DPP10: variants seen among roughly 807,000 people sequenced by gnomAD.
The protein encoded by DPP10 is inactive dipeptidyl peptidase 10.
A neutral mutation model predicts 120.9 loss-of-function variants in DPP10; 33 were observed. The ratio of observed to expected loss-of-function variants is 0.27; its 90% CI spans 0.21 to 0.37. The LOEUF (loss-of-function observed/expected upper bound fraction) is 0.37. Ranked by LOEUF, DPP10 falls within the 10% of genes least tolerant of loss-of-function variation. The probability of loss-of-function intolerance (pLI) is 1.00; values close to 1 mark genes in which losing one functional copy is unlikely to be tolerated. For synonymous variants in DPP10, 337 were observed against 326.1 expected (o/e 1.03, Z -0.36); for missense variants, 816 against 942.8 (o/e 0.87, Z 1.76).
intron 1 of DPP10, among the ~76,000 whole-genome samples, chr2:114,679,088 A>C (rs1240868609): frequency 1.3e-5 from 2 of 151,950 alleles, no homozygotes; most frequent in African/African-American, 2.4e-5. Flanking sequence ...CTGGAATGTA[A>C]TTTTCAGACA....
At chr2:114,959,563 G>A (rs1452718460) in intron 1 of DPP10, among the ~76,000 whole-genome samples, 3 of 152,080 alleles carry the variant, frequency 2.0e-5, no homozygotes, top group Admixed American at 1.3e-4. Context: ...TTGAACATAG[G>A]ATTTCATTTC....
intron 1 of DPP10, among the ~76,000 whole-genome samples, chr2:115,265,017 A>G (rs1238670825): frequency 6.6e-6 from 1 of 152,136 alleles, no homozygotes; most frequent in Non-Finnish European, 1.5e-5. Flanking sequence ...GCTATGTGGT[A>G]TGACTTGCTG....
intron 3 of DPP10, among the ~76,000 whole-genome samples, chr2:115,490,061 A>G (rs2076019775): frequency 6.6e-6 from 1 of 152,152 alleles, no homozygotes; most frequent in South Asian, 2.1e-4. Flanking sequence ...TGACATGTAA[A>G]CCTTCCCCAC....
intron 24 of DPP10, among the ~76,000 whole-genome samples, chr2:115,837,202 T>C (rs796703865): frequency 1.4e-4 from 22 of 152,286 alleles, no homozygotes; most frequent in African/African-American, 5.3e-4. Flanking sequence ...TCTAATGAGG[T>C]TACCCGCTTA....
At chr2:115,804,769 G>T (rs1327503629) in intron 19 of DPP10, among the ~76,000 whole-genome samples, 1 of 152,186 alleles carries the variant, frequency 6.6e-6, no homozygotes, top group Non-Finnish European at 1.5e-5. Flanking sequence ...CGCAAATGCT[G>T]CTGCCTGATT....
Position 114,740,592 on chromosome 2 carries a change from A to G in DPP10, c.60+297754A>G, listed in dbSNP as rs114980372. 4.0e-3 allele frequency among the ~76,000 whole-genome samples: 612 copies of G among 152,230 alleles called. 3 individuals are homozygous for G. The highest frequency in any genetic ancestry group is 0.014 in the African/African-American group (592 of 41,544). ...GAGATATCTTGTTTCTATCCTTCGT[A>G]TGATCAGGTTGTTCAATAATTCCTC... is the stretch of plus-strand genomic sequence containing the variant. On this transcript the variant is annotated intron_variant, in intron 1 of 25. Coordinates refer to ENST00000410059, the MANE Select transcript of DPP10 (RefSeq NM_020868.6).
chr2:114,641,488 G>A, intron 1 of DPP10, among the ~76,000 whole-genome samples: 1 of 151,906 alleles, frequency 6.6e-6, no homozygotes, highest in Non-Finnish European at 1.5e-5. Flanking sequence ...AATGACCTCT[G>A]GATGCTGCCA....
At chr2:115,184,491 G>T (rs1273676651) in intron 1 of DPP10, among the ~76,000 whole-genome samples, 1 of 152,206 alleles carries the variant, frequency 6.6e-6, no homozygotes, top group East Asian at 1.9e-4. Flanking sequence ...AGCCAGGGAT[G>T]CAACAAGAGT....
chr2:115,431,572 T>A (rs946364421), intron 3 of DPP10, among the ~76,000 whole-genome samples: 2 of 152,118 alleles, frequency 1.3e-5, no homozygotes, highest in African/African-American at 4.8e-5. Context: ...AAAGCACCAC[T>A]CTTTAGAGCT....
In DPP10 at chr2:114,748,370, A is replaced by AT. The variant is rs1481819462; in HGVS notation, c.60+305535dup. Among the ~76,000 whole-genome samples the AT allele has an allele frequency of 7.2e-4, 68 of 94,438 alleles. 1 individual carries two copies. Among genetic ancestry groups the AT allele is most frequent in the African/African-American group, 2.3e-3 (52 of 22,770 alleles). The allele number at this position is 94,438 out of a possible 152,430, so 62.0% of individuals were successfully genotyped here. ...TTTTTTATTTTTTTTTATTTTATTT[A>AT]TTTATTTATTTATTTATTTATTTAT... On this transcript the variant is annotated intron_variant, in intron 1 of 25. Coordinates refer to ENST00000410059, the MANE Select transcript of DPP10 (RefSeq NM_020868.6).
intron 3 of DPP10, among the ~76,000 whole-genome samples, chr2:115,421,951 C>G (rs2070013132): frequency 6.9e-6 from 1 of 145,626 alleles, no homozygotes; most frequent in South Asian, 2.3e-4. Context: ...CCTTCTGTCT[C>G]TAAACAAGTT....
At chr2:114,491,992 A>T (rs1024498153) in intron 1 of DPP10, among the ~76,000 whole-genome samples, 2 of 152,180 alleles carry the variant, frequency 1.3e-5, no homozygotes, top group African/African-American at 4.8e-5. Context: ...GGACTAATGA[A>T]TGAATATAAG....
intron 10 of DPP10, among the ~76,000 whole-genome samples, chr2:115,746,834 T>C (rs1157549799): frequency 1.3e-5 from 2 of 152,204 alleles, no homozygotes; most frequent in African/African-American, 2.4e-5. Context: ...CTAGAGTCCT[T>C]TGGAAATTTA....
At chr2:114,836,422 G>C (rs568682155) in intron 1 of DPP10, among the ~76,000 whole-genome samples, 1 of 152,188 alleles carries the variant, frequency 6.6e-6, no homozygotes, top group Non-Finnish European at 1.5e-5. Context: ...ATCACATTTC[G>C]GGAGGTTCTG....
intron 1 of DPP10, among the ~76,000 whole-genome samples, chr2:114,466,936 T>G (rs1679435569): frequency 6.6e-6 from 1 of 151,156 alleles, no homozygotes; most frequent in South Asian, 2.1e-4. Context: ...TAGTCCCAGC[T>G]ACTCCGGAAG....
intron 1 of DPP10, chr2:114,835,071 A>T (rs780774246): frequency 6.6e-6 from 1 of 150,408 alleles, no homozygotes; most frequent in Non-Finnish European, 1.5e-5. Context: ...TGTATATATA[A>T]GCCATATCTA....
At chr2:115,243,229 T>A (rs2058371328) in intron 1 of DPP10, among the ~76,000 whole-genome samples, 1 of 152,194 alleles carries the variant, frequency 6.6e-6, no homozygotes, top group Non-Finnish European at 1.5e-5. Context: ...CTATTTTTGT[T>A]TTAATTGTAG....
intron 1 of DPP10, among the ~76,000 whole-genome samples, chr2:114,944,495 C>T (rs1027537278): frequency 6.6e-6 from 1 of 152,092 alleles, no homozygotes; most frequent in African/African-American, 2.4e-5. Flanking sequence ...TTGGGCATTC[C>T]TTCCCTTAAT....
chr2:115,322,890 A>G (rs961092879), intron 2 of DPP10, among the ~76,000 whole-genome samples: 1 of 152,212 alleles, frequency 6.6e-6, no homozygotes, highest in Admixed American at 6.5e-5. Flanking sequence ...AAAAAATTCT[A>G]TTTGATGATC....
Sources: gnomAD v4.1 joint callset for allele counts (sites outside exome capture counted in the v4.1 genomes callset) on GRCh38, gnomAD v4.1.1 for gene constraint, MANE v1.5 for transcripts, NCBI Gene and HGNC (gene_info 2026-07-23, HGNC 2026-07-21) for gene names.